Variants in TANC1 observed in about 807,000 individuals in gnomAD.
TANC1 encodes the protein tetratricopeptide repeat, ankyrin repeat and coiled-coil containing 1.
In TANC1, 77 loss-of-function variants were observed where a neutral mutation model predicts 149.7. That is an observed-to-expected ratio of 0.51 (90% CI 0.43 to 0.62). TANC1 has a LOEUF of 0.62. Ranked by LOEUF, TANC1 falls within the 20% of genes least tolerant of loss-of-function variation. The pLI, the probability that TANC1 is intolerant of heterozygous loss-of-function variation, is 0.00. For missense variants in TANC1, 1,985 were observed against 2,321.8 expected (o/e 0.85, Z 2.98); for synonymous variants, 854 against 925.0 (o/e 0.92, Z 1.39).
At chr2:159,151,496 G>A (rs1448466002) in intron 7 of TANC1, among the ~76,000 whole-genome samples, 1 of 152,234 alleles carries the variant, frequency 6.6e-6, no homozygotes, top group Non-Finnish European at 1.5e-5. Context: ...ACGTGTCTTT[G>A]AGGGATAGTT....
chr2:159,089,806 C>G (rs1211544217), intron 3 of TANC1, among the ~76,000 whole-genome samples: 1 of 152,344 alleles, frequency 6.6e-6, no homozygotes, highest in South Asian at 2.1e-4. Flanking sequence ...GGCACTGGCA[C>G]TCTTCTTCCT....
chr2:159,042,970 A>C (rs1162306689), intron 2 of TANC1, among the ~76,000 whole-genome samples: 2 of 152,176 alleles, frequency 1.3e-5, no homozygotes, highest in African/African-American at 2.4e-5. Flanking sequence ...TTAGCATCAC[A>C]TAAACAGAAA....
In TANC1 at chr2:159,229,570, C is replaced by T. The variant is rs781322756; in HGVS notation, c.4152-8C>T. Reference sequence around the variant, plus strand: ...GTTTGTAATGTTACCTTACATTTTCCTACAAAGGCAATTCGTGGCAGCTCT... The same window carrying T: ...GTTTGTAATGTTACCTTACATTTTCTTACAAAGGCAATTCGTGGCAGCTCT... On this transcript the variant is annotated splice_polypyrimidine_tract_variant and splice_region_variant and intron_variant, in intron 26 of 26. Coordinates refer to ENST00000263635, the MANE Select transcript of TANC1 (RefSeq NM_033394.3). 1.9e-6 allele frequency: 3 copies of T among 1,606,084 alleles called. No individual in the cohort carries two copies. Among genetic ancestry groups the T allele is most frequent in the African/African-American group, 1.3e-5 (1 of 74,620 alleles).
At chr2:159,116,446 AACAACAAC>A (rs1293811165) in intron 4 of TANC1, among the ~76,000 whole-genome samples, 80 of 139,518 alleles carry the variant, frequency 5.7e-4, no homozygotes, top group African/African-American at 2.1e-3. Context: ...CAACAACAAC[AACAACAAC>A]AAAAAAAAAA....
chr2:159,099,901 G>A (rs2046502979), intron 4 of TANC1, among the ~76,000 whole-genome samples: 1 of 152,064 alleles, frequency 6.6e-6, no homozygotes, highest in South Asian at 2.1e-4. Context: ...TACTGCATTG[G>A]TCCCTATATG....
At chr2:159,212,781 C>T (rs1164877099) in intron 19 of TANC1, among the ~76,000 whole-genome samples, 2 of 151,962 alleles carry the variant, frequency 1.3e-5, no homozygotes, top group Non-Finnish European at 2.9e-5. Flanking sequence ...ATTAGCCAGG[C>T]GTGGTGGCAC....
chr2:159,111,393 A>G (rs1019192814), intron 4 of TANC1, among the ~76,000 whole-genome samples: 13 of 152,252 alleles, frequency 8.5e-5, no homozygotes, highest in African/African-American at 3.1e-4. Context: ...TTACACAGGT[A>G]AGTGATAAAG....
At chr2:159,221,817 A>G (rs1166944813) in intron 22 of TANC1, among the ~76,000 whole-genome samples, 1 of 152,226 alleles carries the variant, frequency 6.6e-6, no homozygotes, top group Non-Finnish European at 1.5e-5. Context: ...GGTTTGAGGG[A>G]ATAAAACCTT....
chr2:159,165,677 T>C (rs1047499677), intron 8 of TANC1, among the ~76,000 whole-genome samples: 19 of 152,322 alleles, frequency 1.2e-4, no homozygotes, highest in Non-Finnish European at 2.6e-4. Flanking sequence ...GAACACTCAG[T>C]GTTAGAAGAA....
Position 159,066,058 on chromosome 2 carries a change from G to T in TANC1, c.61+87G>T, listed in dbSNP as rs866881699. On this transcript the variant is annotated intron_variant, in intron 3 of 26. Coordinates refer to ENST00000263635, the MANE Select transcript of TANC1 (RefSeq NM_033394.3). ...CAGGCCGGATGGATTTGTTGCTTTG[G>T]GAGTGGGTCAGAGAGGGTTACCTGG... The T allele has an allele frequency of 1.8e-5, 19 of 1,072,268 alleles. No individual in the cohort carries two copies. In the Middle Eastern group the frequency reaches 3.1e-3, roughly 175 times the overall value. 66.4% of individuals were successfully genotyped at this position (1,072,268 alleles called of 1,614,324 possible).
At chr2:158,999,040 C>T (rs188883296) in intron 1 of TANC1, among the ~76,000 whole-genome samples, 1 of 152,272 alleles carries the variant, frequency 6.6e-6, no homozygotes, top group East Asian at 1.9e-4. Context: ...CTAACAGTAG[C>T]CCTATTCAGT....
At chr2:159,141,352 G>T (rs1441821093) in intron 5 of TANC1, among the ~76,000 whole-genome samples, 1 of 152,234 alleles carries the variant, frequency 6.6e-6, no homozygotes, top group African/African-American at 2.4e-5. Flanking sequence ...ACTGGAAAGA[G>T]ACTACGGTTA....
At chr2:159,169,180 A>T in intron 8 of TANC1, 70 bp from the exon 9 acceptor site, 3 of 1,254,686 alleles carry the variant, frequency 2.4e-6, no homozygotes, top group Non-Finnish European at 2.3e-6. Flanking sequence ...GTGATTTATA[A>T]GTTATAGTCA....
At chr2:159,145,785 G>A (rs1012555716) in intron 5 of TANC1, among the ~76,000 whole-genome samples, 1 of 152,098 alleles carries the variant, frequency 6.6e-6, no homozygotes, top group East Asian at 1.9e-4. Flanking sequence ...ATGTGCTGCT[G>A]GGGGGAGTAT....
intron 2 of TANC1, among the ~76,000 whole-genome samples, chr2:159,016,665 C>G (rs2038307798): frequency 6.6e-6 from 1 of 151,278 alleles, no homozygotes; most frequent in Admixed American, 6.6e-5. Flanking sequence ...TGCTCTGCCT[C>G]CCGGGTTCAT....
intron 2 of TANC1, among the ~76,000 whole-genome samples, chr2:159,015,519 C>T (rs181259831): frequency 2.5e-4 from 38 of 152,284 alleles, no homozygotes; most frequent in African/African-American, 8.9e-4. Context: ...TCATTACTTA[C>T]GCAAATTTCT....
intron 2 of TANC1, among the ~76,000 whole-genome samples, chr2:159,015,549 C>T (rs1225368408): frequency 6.6e-6 from 1 of 152,190 alleles, no homozygotes; most frequent in Non-Finnish European, 1.5e-5. Flanking sequence ...TTGGATTTCT[C>T]CTCAGAAAAT....
intron 2 of TANC1, among the ~76,000 whole-genome samples, chr2:159,051,751 C>G (rs2041492167): frequency 6.6e-6 from 1 of 151,542 alleles, no homozygotes; most frequent in Non-Finnish European, 1.5e-5. Context: ...CCCAGCTCTT[C>G]CAGAACTGCA....
At chr2:159,155,506 G>A (rs1242577962) in intron 7 of TANC1, among the ~76,000 whole-genome samples, 1 of 152,230 alleles carries the variant, frequency 6.6e-6, no homozygotes, top group Admixed American at 6.5e-5. Context: ...AGGGGACCCT[G>A]AGGGAACAGT....
Sources: allele counts gnomAD v4.1 joint callset (sites outside exome capture counted in the v4.1 genomes callset), GRCh38; gene constraint gnomAD v4.1.1; transcripts MANE v1.5; gene names NCBI Gene and HGNC (gene_info 2026-07-23, HGNC 2026-07-21).